Variants in CELF2 observed in about 807,000 individuals in gnomAD.
The protein encoded by CELF2 is CUGBP Elav-like family member 2.
Under a neutral mutation model 62.6 loss-of-function variants are expected in CELF2, and 8 were observed. The observed-to-expected ratio is 0.13, with a 90% CI of 0.07 to 0.23. The LOEUF is 0.23. Ranked by LOEUF, CELF2 falls within the 10% of genes least tolerant of loss-of-function variation. The pLI is 1.00. For synonymous variants in CELF2, 258 were observed against 250.0 expected, an observed-to-expected ratio of 1.03 and a Z score of -0.30; for missense variants, 333 against 671.0, an observed-to-expected ratio of 0.50 and a Z score of 5.56.
At chr10:11,067,382 T>A (rs2068459578) in intron 1 of CELF2, among the ~76,000 whole-genome samples, 1 of 152,238 alleles carries the variant, frequency 6.6e-6, no homozygotes, top group Admixed American at 6.5e-5. Flanking sequence ...TATTTCTGAA[T>A]TTGCTAAGTA....
the CELF2 span, among the ~76,000 whole-genome samples, chr10:10,682,419 G>A: frequency 6.6e-6 from 1 of 152,156 alleles, no homozygotes; most frequent in South Asian, 2.1e-4. Context: ...CAAATTGGAG[G>A]ACTGTGCTTC....
intron 1 of CELF2, among the ~76,000 whole-genome samples, chr10:11,007,821 T>G (rs902273899): frequency 6.6e-6 from 1 of 152,286 alleles, no homozygotes; most frequent in East Asian, 1.9e-4. Context: ...GTGGCCCGCT[T>G]AAAGAAACGA....
the CELF2 span, among the ~76,000 whole-genome samples, chr10:10,512,616 T>C: frequency 6.6e-6 from 1 of 152,128 alleles, no homozygotes; most frequent in Non-Finnish European, 1.5e-5. Flanking sequence ...GGTTTCACCG[T>C]GTTGGCCAGG....
chr10:11,299,741 C>T (rs567586381), intron 9 of CELF2, among the ~76,000 whole-genome samples: 1 of 150,522 alleles, frequency 6.6e-6, no homozygotes, highest in Admixed American at 6.6e-5. Flanking sequence ...TAAGCAGGAA[C>T]TCCTGGGATC....
chr10:10,554,370 T>A, the CELF2 span, among the ~76,000 whole-genome samples: 1 of 152,134 alleles, frequency 6.6e-6, no homozygotes, highest in Non-Finnish European at 1.5e-5. Context: ...CTTTGGCGTG[T>A]TTGCACTCTG....
intron 9 of CELF2, 55 bp downstream of exon 9, chr10:11,288,607 G>C (rs1218856194): frequency 2.5e-6 from 4 of 1,597,880 alleles, no homozygotes; most frequent in Admixed American, 3.4e-5. Flanking sequence ...GTGGCAGGTA[G>C]GTTTCCGTGC....
At chr10:10,537,851 GA>G in the CELF2 span, among the ~76,000 whole-genome samples, 1 of 152,162 alleles carries the variant, frequency 6.6e-6, no homozygotes, top group Non-Finnish European at 1.5e-5. Flanking sequence ...TCGACCCAGG[GA>G]AAAGACAGAC....
Position 11,321,023 on chromosome 10 carries a change from C to T in CELF2, c.1097-166C>T, listed in dbSNP as rs529453666. 363 of 1,323,898 alleles carry T rather than the reference C, an allele frequency of 2.7e-4. 2 individuals carry two copies. The African/African-American group carries it at 4.7e-3, about 17-fold the overall frequency. 82.0% of individuals were successfully genotyped at this position (1,323,898 alleles called of 1,614,324 possible). ...CTTAGGTCATTTTCCCCCATTATCA[C>T]GATTTATTTCTTCATGGTTTCATTT... On this transcript the variant is annotated intron_variant, in intron 10 of 12. Transcript: ENST00000633077. The surrounding 1 kb of genome is among the most constrained non-coding windows in gnomAD (Gnocchi z 6.2).
rs1554855649 is a variant in CELF2, at chr10:10,857,649, G to GTTTATATATA, written c.53+58833_53+58834insTTATATATAT. Among the ~76,000 whole-genome samples, 476 of 94,182 alleles carry GTTTATATATA rather than the reference G, an allele frequency of 5.1e-3. 2 individuals carry two copies. Among genetic ancestry groups the GTTTATATATA allele is most frequent in the Middle Eastern group, 0.021 (3 of 144 alleles). 61.8% of individuals were successfully genotyped at this position (94,182 alleles called of 152,430 possible). A position where few individuals can be genotyped will look rare whatever the true frequency, so the allele number is the denominator to read the frequency against. ...ATATGTGGTAAACTACATATATATA[G>GTTTATATATA]TATATATATATATATATATATATAT... On this transcript the variant is annotated intron_variant, in intron 1 of 13. Coordinates refer to the CELF2 transcript ENST00000636488.
chr10:10,462,615 C>CTTTTTTTTTTTTTTCTTTT, the CELF2 span, among the ~76,000 whole-genome samples: 1 of 69,414 alleles, frequency 1.4e-5, no homozygotes, highest in Non-Finnish European at 2.5e-5. Context: ...TTTTTTTCAT[C>CTTTTTTTTTTTTTTCTTTT]TTTTTTTTTT....
intron 9 of CELF2, among the ~76,000 whole-genome samples, chr10:11,304,203 C>T (rs986321271): frequency 6.6e-6 from 1 of 152,188 alleles, no homozygotes; most frequent in African/African-American, 2.4e-5. Context: ...CATTTCCTTT[C>T]CCGGCTTCTG....
the CELF2 span, among the ~76,000 whole-genome samples, chr10:10,753,564 G>A: frequency 6.6e-6 from 1 of 152,158 alleles, no homozygotes; most frequent in African/African-American, 2.4e-5. Flanking sequence ...TGTATCCAAG[G>A]ACCGGGAAAC....
chr10:10,937,491 A>G (rs1455983579), intron 2 of CELF2: 3 of 152,136 alleles, frequency 2.0e-5, no homozygotes, highest in Non-Finnish European at 4.4e-5. Context: ...GCTACAAAGC[A>G]TTTTGGAAAC....
At chr10:10,877,359 G>C (rs964733868) in intron 1 of CELF2, among the ~76,000 whole-genome samples, 1 of 152,262 alleles carries the variant, frequency 6.6e-6, no homozygotes, top group Non-Finnish European at 1.5e-5. Flanking sequence ...AGGGAGACAT[G>C]AGACATCAAT....
the CELF2 span, among the ~76,000 whole-genome samples, chr10:10,574,513 A>G: frequency 6.6e-6 from 1 of 152,190 alleles, no homozygotes; most frequent in Admixed American, 6.6e-5. Flanking sequence ...ACAAGGGATA[A>G]ATTTTTAATT....
rs572542157 is a variant in CELF2 at position 10,916,934 on chromosome 10, CT to C, written c.54-3016del. On this transcript the variant is annotated intron_variant, in intron 1 of 13. Transcript: ENST00000636488. Reference sequence around the variant, plus strand: ...AGCCTGGAATTTCCTTCTTCTTCTTCTTTTTTTTTTTTTTAAGGAAAAAGAA... The same window carrying C: ...AGCCTGGAATTTCCTTCTTCTTCTTCTTTTTTTTTTTTTAAGGAAAAAGAA... Among the ~76,000 whole-genome samples, 1,020 of 140,698 alleles carry C rather than the reference CT, an allele frequency of 7.2e-3. 4 individuals carry two copies. The highest frequency in any genetic ancestry group is 0.019 in the South Asian group (85 of 4,378). The allele number at this position is 140,698 out of a possible 152,430, so 92.3% of individuals were successfully genotyped here.
chr10:10,647,798 A>G, the CELF2 span, among the ~76,000 whole-genome samples: 1 of 152,216 alleles, frequency 6.6e-6, no homozygotes, highest in Admixed American at 6.5e-5. Context: ...TGGGCTTACC[A>G]CTAAATAAAC....
In CELF2 at chr10:11,269,299, A is replaced by G. The variant is rs2083060929; in HGVS notation, c.619-1367A>G. On this transcript the variant is annotated intron_variant, in intron 6 of 12. Coordinates refer to ENST00000633077, the MANE Select transcript of CELF2 (RefSeq NM_001326342.2). This position sits in a 1 kb window ranked among gnomAD's most constrained non-coding sequence, Gnocchi z 4.4. ...CTGTCTACCAGAGCTGAAGACCAGT[A>G]GGCTGGAAGTTTAACACTGAAATAT... is the stretch of plus-strand genomic sequence containing the variant. Among the ~76,000 whole-genome samples, 1 of 152,236 alleles carries G rather than the reference A, an allele frequency of 6.6e-6. No individual in the cohort carries two copies. The highest frequency in any genetic ancestry group is 2.4e-5 in the African/African-American group (1 of 41,470).
At chr10:11,137,889 T>C (rs1213218182) in intron 1 of CELF2, among the ~76,000 whole-genome samples, 1 of 152,232 alleles carries the variant, frequency 6.6e-6, no homozygotes, top group African/African-American at 2.4e-5. Context: ...TTGTAATGTG[T>C]ACCCAAAGAG....
Sources: gnomAD v4.1 joint callset for allele counts (sites outside exome capture counted in the v4.1 genomes callset) on GRCh38, gnomAD v4.1.1 for gene constraint, Gnocchi (gnomAD v3.1) non-coding constraint, MANE v1.5 for transcripts, NCBI Gene and HGNC (gene_info 2026-07-23, HGNC 2026-07-21) for gene names.